Variants in KRT4 observed in about 807,000 individuals in gnomAD.
The protein encoded by KRT4 is keratin 4.
In KRT4, 47 loss-of-function variants were observed where a neutral mutation model predicts 50.6. The observed-to-expected ratio is 0.93, with a 90% CI of 0.73 to 1.18. The LOEUF (loss-of-function observed/expected upper bound fraction) is 1.18. Ranked by LOEUF, KRT4 falls within the 50% of genes most tolerant of loss-of-function variation. The probability of loss-of-function intolerance (pLI) is 0.00; values close to 1 mark genes in which losing one functional copy is unlikely to be tolerated. For synonymous variants in KRT4, 254 were observed against 251.2 expected (o/e 1.01, Z -0.10); for missense variants, 651 against 645.7 (o/e 1.01, Z -0.09).
rs764674064 is a variant in KRT4, at chr12:52,809,502, G to T, written c.739-24C>A. 7.9e-5 allele frequency: 122 copies of T among 1,547,290 alleles called. 1 individual carries two copies. In the South Asian group the frequency reaches 1.3e-3, roughly 17 times the overall value. ...TCCTGCAGAGGAGTAAGGAGGATAA[G>T]AGATGAGGAGCAGGAATGCCAGTAG... On this transcript the variant is annotated intron_variant, in intron 3 of 8. Transcript: ENST00000551956.
In KRT4 at chr12:52,813,985, C is replaced by T; in HGVS notation, c.74G>A (p.Gly25Asp). 6.2e-7 allele frequency: 1 copy of T among 1,614,086 alleles called. No homozygotes were observed. The highest frequency in any genetic ancestry group is 8.5e-7 in the Non-Finnish European group (1 of 1,180,036). Residue 25 changes from glycine to aspartate, a missense_variant, in exon 1 of 9, where the codon GGC (glycine) becomes GAC (aspartate). Physicochemically the swap from Gly to Asp is moderately conservative, Grantham distance 94 (BLOSUM62 -1). Transcript: ENST00000551956. ...GACTGAGCTGAAGGCACCTCTCTTG[C>T]CACCGCCTACAATGGCCGAGCCACA... ...FSCGSAIVGG[G>D]KRGAFSSVSM...
At chr12:52,810,857 T>C (rs1939898568) in intron 2 of KRT4, 41 bp from the exon 3 acceptor site, 2 of 1,508,402 alleles carry the variant, frequency 1.3e-6, no homozygotes, top group Non-Finnish European at 1.8e-6. Context: ...AAACCCACAG[T>C]GAGCTGGTGT....
In KRT4 at chr12:52,810,275, C is replaced by T. The variant is rs182026468; in HGVS notation, c.738+481G>A. On this transcript the variant is annotated intron_variant, in intron 3 of 8. Coordinates refer to ENST00000551956, the MANE Select transcript of KRT4 (RefSeq NM_002272.4). The stretch of plus-strand genomic sequence containing the variant: ...TATAAAAATAAAAATCAGCTGGGTG[C>T]GGTGGCTCACAACTGTAACCCCAGC... 3.3e-5 allele frequency among the ~76,000 whole-genome samples: 5 copies of T among 152,164 alleles called. No individual in the cohort carries two copies. The East Asian group carries it at 5.8e-4, about 18-fold the overall frequency.
chr12:52,808,657 C>T lies in KRT4; in HGVS notation c.999+29G>A, dbSNP rs377325040. On this transcript the variant is annotated intron_variant, in intron 5 of 8. Transcript: ENST00000551956. ...CAAAAGCAGAGCCCCAGAGCCAGCC[C>T]CATCTCCTGAGAGATCCATACCACC... The T allele has an allele frequency of 6.4e-5, 104 of 1,612,810 alleles. No homozygotes were observed. The African/African-American group carries it at 1.3e-3, about 20-fold the overall frequency.
rs538074667 is a variant in KRT4 at position 52,808,158 on chromosome 12, C to T, written c.1125+136G>A. On this transcript the variant is annotated intron_variant, in intron 6 of 8. Transcript: ENST00000551956. ...TATTGCTGAAAAAATCTGGGTATGCCTTGCACAAAGAGCTATGAATTCCCA... is the reference window on the plus strand; with the variant it reads ...TATTGCTGAAAAAATCTGGGTATGCTTTGCACAAAGAGCTATGAATTCCCA... The T allele has an allele frequency of 1.7e-5, 21 of 1,201,140 alleles. No individual in the cohort carries two copies. In the African/African-American group the frequency reaches 2.5e-4, roughly 15 times the overall value. 74.4% of individuals were successfully genotyped at this position (1,201,140 alleles called of 1,614,324 possible).
intron 8 of KRT4, 54 bp from the exon 9 acceptor site, chr12:52,807,304 G>T: frequency 6.2e-7 from 1 of 1,614,146 alleles, no homozygotes; most frequent in East Asian, 2.2e-5. Context: ...GCACCCCAGG[G>T]GTCTGGCAAG....
In KRT4 at chr12:52,813,716, T is replaced by G; in HGVS notation, c.343A>C (p.Asn115His). ...PAGGIQEVTI[N>H]QSLLTPLHVE... ...TGGAGGGGGGTGAGCAAGCTCTGGT[T>G]GATGGTGACCTCCTGAATTCCCCCA... The change falls in exon 1 of 9, where the codon AAC becomes CAC. Residue 115 changes from asparagine to histidine, a missense_variant. Coordinates refer to ENST00000551956, the MANE Select transcript of KRT4 (RefSeq NM_002272.4). 7.7e-7 allele frequency: 1 copy of G among 1,300,580 alleles called. No individual in the cohort carries two copies. Among genetic ancestry groups the G allele is most frequent in the Non-Finnish European group, 9.9e-7 (1 of 1,011,416 alleles). 80.6% of individuals were successfully genotyped at this position (1,300,580 alleles called of 1,614,324 possible).
intron 3 of KRT4, 138 bp from the exon 4 acceptor site, chr12:52,809,616 A>T (rs965482768): frequency 1.4e-6 from 1 of 714,540 alleles, no homozygotes; most frequent in Non-Finnish European, 2.6e-6. Flanking sequence ...TGGGAGACCA[A>T]TTATTTTATA....
At chr12:52,813,506 C>T in intron 1 of KRT4, 91 bp downstream of exon 1, 1 of 1,179,612 alleles carries the variant, frequency 8.5e-7, no homozygotes. Context: ...CAGTGGTCTC[C>T]CCAGCACCTG....
In KRT4 at chr12:52,809,421, T is replaced by A; in HGVS notation, c.796A>T (p.Asn266Tyr). ...ACCTTCAGGAAGTTGATCTCGTCAT[T>A]AAGACTGTCCACCTTGGCCTCCAAC... Reference protein sequence around the residue: ...VELEAKVDSLNDEINFLKVLY... With the variant: ...VELEAKVDSLYDEINFLKVLY... Residue 266 changes from asparagine to tyrosine, a missense_variant, in exon 4 of 9, where the codon AAT becomes TAT. Transcript: ENST00000551956. 6.2e-6 allele frequency: 10 copies of A among 1,614,100 alleles called. No individual in the cohort carries two copies. Among genetic ancestry groups the A allele is most frequent in the Non-Finnish European group, 8.5e-6 (10 of 1,179,974 alleles).
rs780405626 is a variant in KRT4, at chr12:52,806,638, C to T, written c.*431G>A. The T allele has an allele frequency of 1.8e-5, 5 of 270,416 alleles. No homozygotes were observed. The highest frequency in any genetic ancestry group is 3.6e-5 in the Non-Finnish European group (5 of 137,362). The allele number at this position is 270,416 out of a possible 1,614,324, so 16.8% of individuals were successfully genotyped here. A position where few individuals can be genotyped will look rare whatever the true frequency, so the allele number is the denominator to read the frequency against. ...GAATGGGACACTAAGTGGTTCTCAT[C>T]CTAAGCTTGCAGGGCCAAGTGCTGC... On this transcript the variant is annotated 3_prime_UTR_variant, in exon 9 of 9. Transcript: ENST00000551956.
intron 1 of KRT4, among the ~76,000 whole-genome samples, chr12:52,812,487 T>A (rs146448551): frequency 4.7e-4 from 71 of 152,280 alleles, no homozygotes; most frequent in African/African-American, 1.5e-3. Flanking sequence ...CCTGTACGCA[T>A]TGTCTCACCT....
rs370919127 is a variant in KRT4, at chr12:52,807,177, A to T, written c.1455T>A (p.Ser485Arg). Reference protein sequence around the residue: ...GLGSGSGFGLSSGFGSGSGSG... With the variant: ...GLGSGSGFGLRSGFGSGSGSG... The stretch of plus-strand genomic sequence containing the variant: ...TTCCAGAGCCGGAGCCAAAGCCACT[A>T]CTCAGGCCAAACCCGGAGCCACTTC... Residue 485 changes from serine (S) to arginine (R), a missense_variant, in exon 9 of 9, where the codon AGT (serine) becomes AGA (arginine). Transcript: ENST00000551956. 26 of 1,614,044 alleles carry T rather than the reference A, an allele frequency of 1.6e-5. No individual in the cohort carries two copies. Among genetic ancestry groups the T allele is most frequent in the Non-Finnish European group, 2.1e-5 (25 of 1,179,972 alleles).
intron 2 of KRT4, chr12:52,811,397 G>A: frequency 3.5e-6 from 1 of 289,136 alleles, no homozygotes; most frequent in Non-Finnish European, 6.6e-6. Context: ...GAGAGGTTCA[G>A]CTATTTACCC....
chr12:52,813,719 T>C lies in KRT4; in HGVS notation c.340A>G (p.Ile114Val). The C allele has an allele frequency of 8.0e-7, 1 of 1,248,628 alleles. No individual in the cohort carries two copies. Among genetic ancestry groups the C allele is most frequent in the South Asian group, 1.5e-5 (1 of 64,706 alleles). The allele number at this position is 1,248,628 out of a possible 1,614,324, so 77.3% of individuals were successfully genotyped here. ...CPAGGIQEVT[I>V]NQSLLTPLHV... ...AGGGGGGTGAGCAAGCTCTGGTTGA[T>C]GGTGACCTCCTGAATTCCCCCAGCG... Residue 114 changes from isoleucine (I) to valine (V), a missense_variant, in exon 1 of 9, where the codon ATC (isoleucine) becomes GTC (valine). Transcript: ENST00000551956.
chr12:52,811,644 G>C (rs1015267833), intron 2 of KRT4, 119 bp downstream of exon 2: 3 of 803,852 alleles, frequency 3.7e-6, no homozygotes, highest in Non-Finnish European at 6.4e-6. Flanking sequence ...AAACAGACTA[G>C]AGGGCCTTCC....
At chr12:52,812,424 G>T (rs1268518848) in intron 1 of KRT4, among the ~76,000 whole-genome samples, 2 of 152,202 alleles carry the variant, frequency 1.3e-5, no homozygotes, top group Non-Finnish European at 2.9e-5. Context: ...AATGGATCTG[G>T]CGTGTCCCTG....
Position 52,810,773 on chromosome 12 carries a change from A to G in KRT4, c.721T>C (p.Phe241Leu). 3 of 1,614,126 alleles carry G rather than the reference A, an allele frequency of 1.9e-6. No individual in the cohort carries two copies. The South Asian group carries it at 3.3e-5, about 18-fold the overall frequency. Residue 241 changes from phenylalanine to leucine, a missense_variant, in exon 3 of 9, where the codon TTT becomes CTT. Coordinates refer to ENST00000551956, the MANE Select transcript of KRT4 (RefSeq NM_002272.4). Reference sequence around the variant, plus strand: ...TCTCTTACCTTCTTTAGGACCACAAAGTCATTCTCGGCTGCTGTGCGTTTG... The same window carrying G: ...TCTCTTACCTTCTTTAGGACCACAAGGTCATTCTCGGCTGCTGTGCGTTTG... ...INKRTAAEND[F>L]VVLKKDVDAA... is the part of the protein sequence containing the mutation.
At chr12:52,810,342 G>A (rs1318433814) in intron 3 of KRT4, among the ~76,000 whole-genome samples, 1 of 152,166 alleles carries the variant, frequency 6.6e-6, no homozygotes, top group Non-Finnish European at 1.5e-5. Flanking sequence ...GAGGTCAGGA[G>A]TTTGAGACCA....
Sources: allele counts gnomAD v4.1 joint callset (sites outside exome capture counted in the v4.1 genomes callset), GRCh38; gene constraint gnomAD v4.1.1; transcripts MANE v1.5; gene names NCBI Gene and HGNC (gene_info 2026-07-23, HGNC 2026-07-21).